Variants in IKZF3 observed in about 807,000 individuals in gnomAD.
The protein encoded by IKZF3 is zinc finger protein Aiolos.
A neutral mutation model predicts 49.0 loss-of-function variants in IKZF3; 10 were observed. That is an observed-to-expected ratio of 0.20 (90% CI 0.13 to 0.35). The LOEUF (loss-of-function observed/expected upper bound fraction) is 0.35, where lower values mean the gene tolerates loss of function less well. IKZF3 is among the 10% of genes least tolerant of loss of function. The pLI is 1.00. For synonymous variants in IKZF3, 209 were observed against 228.2 expected (o/e 0.92, Z 0.76); for missense variants, 498 against 664.8 (o/e 0.75, Z 2.76).
At chr17:39,835,880 CT>C in intron 1 of IKZF3, 2 of 638,156 alleles carry the variant, frequency 3.1e-6, no homozygotes, top group Non-Finnish European at 5.9e-6. Context: ...CGTACTTGTT[CT>C]TGAAGTCCTC....
intron 6 of IKZF3, among the ~76,000 whole-genome samples, chr17:39,781,940 T>A (rs1452040083): frequency 5.3e-5 from 8 of 152,194 alleles, no homozygotes; most frequent in Admixed American, 5.2e-4. Context: ...GACTTTCCCA[T>A]TTCCACAACT....
At position 39,766,081 on chromosome 17, in the gene IKZF3, A is replaced by C. The variant is rs1377365676; in HGVS notation, c.1239T>G (p.Asn413Lys). ...QNHMVLSRAR[N>K]GMPLLKEVPR... ...GAACCTCCTTCAGAAGTGGCATCCC[A>C]TTGCGGGCCCGAGACAGGACCATGT... The change falls in exon 8 of 8, where the codon AAT (asparagine) becomes AAG (lysine). Residue 413 changes from asparagine to lysine, a missense_variant. This residue lies in a region of IKZF3 where 317 missense variants were observed against 397.3 expected (regional missense o/e 0.80). Transcript: ENST00000346872. The C allele has an allele frequency of 6.2e-7, 1 of 1,614,122 alleles. No homozygotes were observed. Among genetic ancestry groups the C allele is most frequent in the Admixed American group, 1.7e-5 (1 of 60,014 alleles).
chr17:39,853,445 A>G (rs574280328), intron 1 of IKZF3, among the ~76,000 whole-genome samples: 1 of 152,220 alleles, frequency 6.6e-6, no homozygotes, highest in South Asian at 2.1e-4. Context: ...TGTGAAGATG[A>G]CCCACCACTG....
intron 3 of IKZF3, among the ~76,000 whole-genome samples, chr17:39,795,613 G>T (rs1231496637): frequency 6.6e-6 from 1 of 151,710 alleles, no homozygotes; most frequent in African/African-American, 2.4e-5. Context: ...CGCCATGTTG[G>T]CCAGGCTGGT....
intron 1 of IKZF3, among the ~76,000 whole-genome samples, chr17:39,840,944 A>G (rs1487134405): frequency 6.6e-6 from 1 of 152,174 alleles, no homozygotes; most frequent in Non-Finnish European, 1.5e-5. Flanking sequence ...TGGGAGGCCA[A>G]GGTGGGCAGG....
At chr17:39,767,369 CAG>C in intron 7 of IKZF3, among the ~76,000 whole-genome samples, 1 of 152,214 alleles carries the variant, frequency 6.6e-6, no homozygotes, top group African/African-American at 2.4e-5. Context: ...TGTTAGAAAA[CAG>C]AGGCTCTCTG....
chr17:39,794,030 T>A (rs2061099736), intron 3 of IKZF3, among the ~76,000 whole-genome samples: 1 of 152,134 alleles, frequency 6.6e-6, no homozygotes, highest in African/African-American at 2.4e-5. Flanking sequence ...TCCTTAGAAA[T>A]CAAAAGTTGT....
intron 1 of IKZF3, among the ~76,000 whole-genome samples, chr17:39,837,833 G>A (rs188385947): frequency 3.6e-4 from 55 of 151,678 alleles, no homozygotes; most frequent in Admixed American, 2.0e-3. Flanking sequence ...TAGTAGAGAC[G>A]GGGTTTCACC....
intron 6 of IKZF3, among the ~76,000 whole-genome samples, chr17:39,781,289 G>A (rs769647887): frequency 1.3e-5 from 2 of 152,198 alleles, no homozygotes; most frequent in Non-Finnish European, 2.9e-5. Context: ...GTAAGTTCCT[G>A]GGGCTGTTAG....
At chr17:39,862,195 T>G (rs1482843684) in intron 1 of IKZF3, among the ~76,000 whole-genome samples, 1 of 152,208 alleles carries the variant, frequency 6.6e-6, no homozygotes, top group Admixed American at 6.5e-5. Flanking sequence ...TTCAAAAGCT[T>G]ATTCATCTGA....
chr17:39,845,666 T>A (rs1247210717), intron 1 of IKZF3, among the ~76,000 whole-genome samples: 1 of 152,154 alleles, frequency 6.6e-6, no homozygotes, highest in Admixed American at 6.5e-5. Flanking sequence ...GCCTAAAACA[T>A]TCACTATCTG....
Position 39,762,256 on chromosome 17 carries a change from C to T in IKZF3, c.*3534G>A, listed in dbSNP as rs988759629. ...TTCACCCTCACCTCCCCAGCCCTGG[C>T]AAGGGGTTTGTTAATTAGTACAGCA... is the stretch of plus-strand genomic sequence containing the variant. On this transcript the variant is annotated 3_prime_UTR_variant, in exon 8 of 8. Coordinates refer to ENST00000346872, the MANE Select transcript of IKZF3 (RefSeq NM_012481.5). 7.2e-5 allele frequency: 11 copies of T among 152,252 alleles called. No individual in the cohort carries two copies. The highest frequency in any genetic ancestry group is 2.4e-4 in the African/African-American group (10 of 41,440). The allele number at this position is 152,252 out of a possible 1,614,324, so 9.4% of individuals were successfully genotyped here. A position where few individuals can be genotyped will look rare whatever the true frequency, so the allele number is the denominator to read the frequency against.
intron 3 of IKZF3, among the ~76,000 whole-genome samples, chr17:39,817,118 C>T (rs375252968): frequency 2.0e-5 from 3 of 152,024 alleles, no homozygotes; most frequent in Admixed American, 6.6e-5. Flanking sequence ...TCTGTCTTTC[C>T]GCAAGAGAAA....
At chr17:39,829,299 G>A in intron 3 of IKZF3, 88 bp downstream of exon 3, 1 of 876,768 alleles carries the variant, frequency 1.1e-6, no homozygotes, top group Non-Finnish European at 1.8e-6. Context: ...ACAATTGCAA[G>A]TTTTCCTTGG....
intron 1 of IKZF3, chr17:39,835,285 G>C (rs912210846): frequency 1.8e-6 from 1 of 551,402 alleles, no homozygotes; most frequent in Non-Finnish European, 3.5e-6. Flanking sequence ...ATGGTCATCA[G>C]CTCCTGGTAC....
At chr17:39,850,358 T>C (rs2062781424) in intron 1 of IKZF3, among the ~76,000 whole-genome samples, 1 of 129,818 alleles carries the variant, frequency 7.7e-6, no homozygotes, top group Admixed American at 8.0e-5. Context: ...ATATAATATA[T>C]AGCATATTAT....
chr17:39,797,102 T>A (rs1598036237), intron 3 of IKZF3, among the ~76,000 whole-genome samples: 1 of 150,282 alleles, frequency 6.7e-6, no homozygotes, highest in Admixed American at 6.6e-5. Context: ...GAAGTGGAGG[T>A]TGCAGTGAGC....
chr17:39,777,788 AAG>A, intron 6 of IKZF3, 21 bp from the exon 7 acceptor site: 3 of 1,604,308 alleles, frequency 1.9e-6, no homozygotes, highest in Non-Finnish European at 2.6e-6. Flanking sequence ...AAAATGTAAA[AAG>A]AAGAGAGAAA....
chr17:39,832,491 GTA>G (rs35439365), intron 1 of IKZF3, among the ~76,000 whole-genome samples: 4,197 of 147,536 alleles, frequency 0.028, 183 homozygotes, highest in African/African-American at 0.095. Flanking sequence ...GTTCAAAGTG[GTA>G]TATATATATA....
Sources: allele counts gnomAD v4.1 joint callset (sites outside exome capture counted in the v4.1 genomes callset), GRCh38; gene constraint gnomAD v4.1.1; regional missense constraint gnomAD v4.1.1; transcripts MANE v1.5; gene names NCBI Gene and HGNC (gene_info 2026-07-23, HGNC 2026-07-21).